PRKCB: variants seen among roughly 807,000 people sequenced by gnomAD.
PRKCB encodes the protein protein kinase C beta, also known as protein kinase C beta type.
Under a neutral mutation model 81.5 loss-of-function variants are expected in PRKCB, and 13 were observed. That is an observed-to-expected ratio of 0.16 (90% confidence interval 0.10 to 0.25). The LOEUF is 0.25. Ranked by LOEUF, PRKCB falls within the 10% of genes least tolerant of loss-of-function variation. The pLI, the probability that PRKCB is intolerant of heterozygous loss-of-function variation, is 1.00. For synonymous variants in PRKCB, 335 were observed against 321.4 expected (o/e 1.04, Z -0.45); for missense variants, 509 against 875.7 (o/e 0.58, Z 5.29).
intron 2 of PRKCB, among the ~76,000 whole-genome samples, chr16:23,879,647 C>CTAATTA (rs1963074636): frequency 6.6e-6 from 1 of 151,980 alleles, no homozygotes; most frequent in Non-Finnish European, 1.5e-5. Flanking sequence ...GCATGCACCA[C>CTAATTA]CATGCCTGGC....
chr16:23,917,051 C>T (rs1963751860), intron 2 of PRKCB, among the ~76,000 whole-genome samples: 1 of 152,022 alleles, frequency 6.6e-6, no homozygotes, highest in Non-Finnish European at 1.5e-5. Flanking sequence ...GTTGGGGTTA[C>T]AAGAGTGAGC....
chr16:24,076,070 G>T (rs1966173545), intron 5 of PRKCB, among the ~76,000 whole-genome samples: 1 of 152,170 alleles, frequency 6.6e-6, no homozygotes, highest in South Asian at 2.1e-4. Flanking sequence ...TAGGTGGGAG[G>T]AATAACATTA....
intron 4 of PRKCB, 78 bp from the exon 5 acceptor site, chr16:24,035,341 C>A: frequency 1.3e-6 from 2 of 1,533,790 alleles, no homozygotes; most frequent in East Asian, 2.3e-5. Context: ...AAGGGCTCAG[C>A]GGTCTTGGGT....
At chr16:24,062,989 G>C (rs148095447) in intron 5 of PRKCB, among the ~76,000 whole-genome samples, 320 of 151,966 alleles carry the variant, frequency 2.1e-3, no homozygotes, top group African/African-American at 7.1e-3. Flanking sequence ...ATTGTAGGAT[G>C]GTAGGAATGA....
At chr16:24,139,885 C>T (rs967258875) in intron 9 of PRKCB, among the ~76,000 whole-genome samples, 3 of 152,166 alleles carry the variant, frequency 2.0e-5, no homozygotes, top group East Asian at 1.9e-4. Flanking sequence ...AGACTGTATT[C>T]GAAAAGTGCT....
At chr16:24,151,851 T>C (rs1231307634) in intron 9 of PRKCB, 1 of 455,638 alleles carries the variant, frequency 2.2e-6, no homozygotes, top group East Asian at 6.9e-5. Context: ...ATCTACGAAA[T>C]GGGGGTAATT....
intron 2 of PRKCB, among the ~76,000 whole-genome samples, chr16:23,917,256 T>A (rs1296935434): frequency 2.0e-5 from 3 of 152,140 alleles, no homozygotes; most frequent in African/African-American, 7.2e-5. Context: ...CTAATTTTTG[T>A]GTTTTTAGTA....
intron 8 of PRKCB, among the ~76,000 whole-genome samples, chr16:24,113,317 T>TCTTGCTTTCTTTCTTG (rs1966699439): frequency 6.7e-6 from 1 of 150,242 alleles, no homozygotes; most frequent in African/African-American, 2.5e-5. Flanking sequence ...TTCCTTTCTG[T>TCTTGCTTTCTTTCTTG]CTTGCTTTCT....
At chr16:23,979,503 G>T (rs1212635930) in intron 2 of PRKCB, among the ~76,000 whole-genome samples, 2 of 152,194 alleles carry the variant, frequency 1.3e-5, no homozygotes, top group Non-Finnish European at 2.9e-5. Flanking sequence ...GTGGACACCA[G>T]TTAAGGCTTT....
At chr16:24,205,881 T>G (rs1471262741) in intron 16 of PRKCB, among the ~76,000 whole-genome samples, 1 of 152,192 alleles carries the variant, frequency 6.6e-6, no homozygotes, top group East Asian at 1.9e-4. Context: ...ATGAACAGGA[T>G]ATCTTGACAG....
At chr16:24,198,128 C>A (rs1967905850) in intron 16 of PRKCB, among the ~76,000 whole-genome samples, 1 of 152,154 alleles carries the variant, frequency 6.6e-6, no homozygotes, top group Non-Finnish European at 1.5e-5. Flanking sequence ...TGACTTGTAG[C>A]AAAAGGTGCA....
At chr16:23,942,175 C>G (rs749637009) in intron 2 of PRKCB, among the ~76,000 whole-genome samples, 1 of 152,218 alleles carries the variant, frequency 6.6e-6, no homozygotes, top group Non-Finnish European at 1.5e-5. Context: ...TTTTCCTCCT[C>G]CGCATGCTTG....
chr16:23,840,403 C>CTTCT (rs1370319703), intron 2 of PRKCB, among the ~76,000 whole-genome samples: 1 of 152,158 alleles, frequency 6.6e-6, no homozygotes, highest in Non-Finnish European at 1.5e-5. Context: ...TCCTCACACC[C>CTTCT]TTCTTTCAGC....
Position 23,910,482 on chromosome 16 carries a change from C to T in PRKCB, c.205+73076C>T, listed in dbSNP as rs1963634009. On this transcript the variant is annotated intron_variant, in intron 2 of 16. Coordinates refer to ENST00000643927, the MANE Select transcript of PRKCB (RefSeq NM_002738.7). ...TGCTGATGTGCTTTTTTCTCCCAGA[C>T]CCCCATCCTAACAGAAACAGAGCAG... 6.6e-5 allele frequency among the ~76,000 whole-genome samples: 10 copies of T among 152,120 alleles called. No homozygotes were observed. In the South Asian group the frequency reaches 2.1e-3, roughly 32 times the overall value.
intron 9 of PRKCB, 84 bp downstream of exon 9, chr16:24,124,065 G>A (rs1203095691): frequency 2.0e-6 from 3 of 1,479,894 alleles, no homozygotes; most frequent in Non-Finnish European, 2.8e-6. Flanking sequence ...TGGGACGGAC[G>A]TCCTAGTGGG....
chr16:24,152,207 C>T (rs145869707), intron 9 of PRKCB, among the ~76,000 whole-genome samples: 42 of 152,200 alleles, frequency 2.8e-4, no homozygotes, highest in Non-Finnish European at 4.6e-4. Flanking sequence ...GCTAAAGTCA[C>T]GTCTTACATG....
intron 5 of PRKCB, among the ~76,000 whole-genome samples, chr16:24,079,931 A>G (rs1323250001): frequency 1.3e-5 from 2 of 152,200 alleles, no homozygotes; most frequent in Non-Finnish European, 2.9e-5. Context: ...AAAAGGACGA[A>G]TGGTTATTGA....
At chr16:24,113,220 TCTC>T in intron 8 of PRKCB, 151 bp downstream of exon 8, 1 of 570,118 alleles carries the variant, frequency 1.8e-6, no homozygotes, top group Non-Finnish European at 2.9e-6. Context: ...TTTCCTTCTT[TCTC>T]CTTTCTTTCT....
intron 2 of PRKCB, among the ~76,000 whole-genome samples, chr16:23,857,593 A>G (rs539788640): frequency 6.6e-6 from 1 of 152,148 alleles, no homozygotes; most frequent in East Asian, 1.9e-4. Context: ...GCCGTCTCTG[A>G]TTTGGGGCCC....
Sources: gnomAD v4.1 joint callset for allele counts (sites outside exome capture counted in the v4.1 genomes callset) on GRCh38, gnomAD v4.1.1 for gene constraint, MANE v1.5 for transcripts, NCBI Gene and HGNC (gene_info 2026-07-23, HGNC 2026-07-21) for gene names.